KPNA3: variants seen among roughly 807,000 people sequenced by gnomAD.
KPNA3 encodes the protein karyopherin subunit alpha 3, also known as importin subunit alpha-4.
KPNA3 carries 13 observed loss-of-function variants against 73.8 expected under a neutral mutation model. That is an observed-to-expected ratio of 0.18 (90% CI 0.11 to 0.28). KPNA3 has a LOEUF of 0.28. KPNA3 is among the 10% of genes least tolerant of loss of function. The pLI is 1.00. For missense variants in KPNA3, 360 were observed against 618.1 expected (o/e 0.58, Z 4.43); for synonymous variants, 186 against 206.9 (o/e 0.90, Z 0.87).
At chr13:49,787,640 G>C (rs1032521650) in intron 1 of KPNA3, among the ~76,000 whole-genome samples, 2 of 151,914 alleles carry the variant, frequency 1.3e-5, no homozygotes, top group African/African-American at 4.8e-5. Context: ...CCTTGTAGCT[G>C]GGATTACAGG....
At chr13:49,710,799 A>C in intron 11 of KPNA3, 92 bp downstream of exon 11, 3 of 1,088,482 alleles carry the variant, frequency 2.8e-6, no homozygotes, top group Non-Finnish European at 4.0e-6. Context: ...GAAGATAAGC[A>C]CTTACAGATA....
intron 1 of KPNA3, among the ~76,000 whole-genome samples, chr13:49,760,894 T>C (rs2137582401): frequency 6.6e-6 from 1 of 152,322 alleles, no homozygotes. Flanking sequence ...TAATTCTTGC[T>C]GTCAGAACTC....
At position 49,722,479 on chromosome 13, in the gene KPNA3, A is replaced by G; in HGVS notation, c.554T>C (p.Ile185Thr). 4 of 1,603,084 alleles carry G rather than the reference A, an allele frequency of 2.5e-6. No individual in the cohort carries two copies. The highest frequency in any genetic ancestry group is 3.4e-6 in the Non-Finnish European group (4 of 1,172,238). The change falls in exon 8 of 17, where the codon ATA becomes ACA. Residue 185 changes from isoleucine to threonine, a missense_variant and splice_region_variant. By Grantham distance (89) the Ile-to-Thr change is moderately conservative. This residue lies in a region of KPNA3 where 287 missense variants were observed against 549.1 expected (regional missense o/e 0.52). Transcript: ENST00000261667. ...AGGATTCCTTTCAAACCACTTACCT[A>G]TAATGTTTCCCAAAGCCCATACTGC... ...EQAVWALGNI[I>T]GDGPQCRDYV...
At chr13:49,726,443 C>T (rs576242439) in intron 6 of KPNA3, among the ~76,000 whole-genome samples, 7 of 152,008 alleles carry the variant, frequency 4.6e-5, no homozygotes, top group Non-Finnish European at 2.9e-5. Context: ...TGTGTAGGAA[C>T]GACAAGGATT....
At chr13:49,780,927 G>T (rs1051765508) in intron 1 of KPNA3, among the ~76,000 whole-genome samples, 9 of 151,798 alleles carry the variant, frequency 5.9e-5, no homozygotes, top group African/African-American at 2.2e-4. Context: ...CACCATGTTG[G>T]CCAGGCTGGT....
chr13:49,725,253 T>C (rs1238519815), intron 7 of KPNA3, among the ~76,000 whole-genome samples, 163 bp downstream of exon 7: 1 of 152,226 alleles, frequency 6.6e-6, no homozygotes, highest in Non-Finnish European at 1.5e-5. Context: ...AAATTTTTCA[T>C]GATAAATTAA....
intron 5 of KPNA3, 36 bp from the exon 6 acceptor site, chr13:49,732,502 T>G (rs1162972530): frequency 6.7e-7 from 1 of 1,491,662 alleles, no homozygotes; most frequent in African/African-American, 1.4e-5. Flanking sequence ...ATTGCTATAA[T>G]TTTCAAACTG....
At chr13:49,754,735 G>C (rs1397926591) in intron 1 of KPNA3, among the ~76,000 whole-genome samples, 1 of 151,348 alleles carries the variant, frequency 6.6e-6, no homozygotes, top group Non-Finnish European at 1.5e-5. Flanking sequence ...AAAAGAACAA[G>C]GGAAAACTAC....
chr13:49,769,559 C>A, intron 1 of KPNA3, among the ~76,000 whole-genome samples: 1 of 152,202 alleles, frequency 6.6e-6, no homozygotes, highest in East Asian at 1.9e-4. Flanking sequence ...TGTCTGGCTT[C>A]TTCACTTAGC....
chr13:49,758,604 G>C (rs1006159972), intron 1 of KPNA3, among the ~76,000 whole-genome samples: 1 of 152,090 alleles, frequency 6.6e-6, no homozygotes. Context: ...GTTTGGCCTA[G>C]GAGAAAGACG....
intron 6 of KPNA3, among the ~76,000 whole-genome samples, chr13:49,730,519 CAAAAAAAAAAAAAAAAAAAAAAAA>C (rs55725741): frequency 7.3e-5 from 2 of 27,280 alleles, no homozygotes; most frequent in Admixed American, 6.9e-4. Flanking sequence ...GACTCTGTCT[CAAAAAAAAAAAAAAAAAAAAAAAA>C]AAAAAAAAAA....
chr13:49,760,145 G>A (rs886996543), intron 1 of KPNA3, among the ~76,000 whole-genome samples: 3 of 152,086 alleles, frequency 2.0e-5, no homozygotes, highest in Admixed American at 1.3e-4. Flanking sequence ...AAATCCAGCC[G>A]GGCACGGTGG....
chr13:49,764,575 C>G (rs1204937709), intron 1 of KPNA3, among the ~76,000 whole-genome samples: 9 of 152,102 alleles, frequency 5.9e-5, no homozygotes, highest in Non-Finnish European at 1.5e-5. Flanking sequence ...TCCCCAATCC[C>G]AAGATCCCTG....
chr13:49,721,890 T>A, intron 9 of KPNA3, 65 bp downstream of exon 9: 1 of 1,119,502 alleles, frequency 8.9e-7, no homozygotes, highest in East Asian at 2.6e-5. Flanking sequence ...GTCCCCTGTA[T>A]ATGAATTCCT....
At chr13:49,725,525 T>C in intron 6 of KPNA3, 24 bp from the exon 7 acceptor site, 1 of 1,421,400 alleles carries the variant, frequency 7.0e-7, no homozygotes, top group South Asian at 1.2e-5. Flanking sequence ...ATAACACATC[T>C]TTTTAGACAC....
chr13:49,790,736 C>T (rs919974699), intron 1 of KPNA3, among the ~76,000 whole-genome samples: 19 of 152,146 alleles, frequency 1.2e-4, no homozygotes, highest in Admixed American at 2.6e-4. Flanking sequence ...TGTTGTGTAC[C>T]TATTATGTGC....
chr13:49,787,324 A>G (rs2137609810), intron 1 of KPNA3, among the ~76,000 whole-genome samples: 1 of 152,356 alleles, frequency 6.6e-6, no homozygotes, highest in East Asian at 1.9e-4. Flanking sequence ...ATCTAATAGT[A>G]AAGTTCATCA....
At chr13:49,788,935 A>G (rs986515226) in intron 1 of KPNA3, among the ~76,000 whole-genome samples, 1 of 152,106 alleles carries the variant, frequency 6.6e-6, no homozygotes, top group Non-Finnish European at 1.5e-5. Context: ...ATCTTTATAA[A>G]GAGAATTTGA....
intron 1 of KPNA3, among the ~76,000 whole-genome samples, chr13:49,775,699 G>C (rs767125272): frequency 1.3e-5 from 2 of 151,696 alleles, no homozygotes; most frequent in Non-Finnish European, 2.9e-5. Flanking sequence ...AAACTATCCT[G>C]TTCTGTTTTA....
Sources: allele counts gnomAD v4.1 joint callset (sites outside exome capture counted in the v4.1 genomes callset), GRCh38; gene constraint gnomAD v4.1.1; regional missense constraint gnomAD v4.1.1; transcripts MANE v1.5; gene names NCBI Gene and HGNC (gene_info 2026-07-23, HGNC 2026-07-21).